Variants in EFCAB11 observed in about 807,000 individuals in gnomAD.
EFCAB11 encodes the protein EF-hand calcium-binding domain-containing protein 11.
Under a neutral mutation model 23.0 loss-of-function variants are expected in EFCAB11, and 14 were observed. That is an observed-to-expected ratio of 0.61 (90% CI 0.40 to 0.95). The LOEUF (loss-of-function observed/expected upper bound fraction) is 0.95. Among genes scored for constraint, EFCAB11 ranks in the 40% least tolerant of loss-of-function variants. The pLI is 0.00. For missense variants in EFCAB11, 198 were observed against 195.8 expected (o/e 1.01, Z -0.07); for synonymous variants, 65 against 66.6 (o/e 0.98, Z 0.11).
At chr14:89,871,445 A>C (rs185296661) in intron 5 of EFCAB11, among the ~76,000 whole-genome samples, 2 of 152,170 alleles carry the variant, frequency 1.3e-5, no homozygotes, top group Admixed American at 1.3e-4. Context: ...TGACCACCTC[A>C]TTGGTGAGGA....
At chr14:89,893,888 G>C (rs534426700) in intron 5 of EFCAB11, among the ~76,000 whole-genome samples, 108 of 151,238 alleles carry the variant, frequency 7.1e-4, no homozygotes, top group South Asian at 2.3e-3. Context: ...CATATACACA[G>C]ACATGTTATT....
chr14:89,943,858 CT>C (rs1221823287), intron 3 of EFCAB11, among the ~76,000 whole-genome samples: 2 of 152,268 alleles, frequency 1.3e-5, no homozygotes, highest in African/African-American at 4.8e-5. Context: ...TACATACACA[CT>C]CACACTAGAG....
chr14:89,929,819 G>T (rs1172063802), intron 5 of EFCAB11, among the ~76,000 whole-genome samples: 6 of 152,188 alleles, frequency 3.9e-5, no homozygotes, highest in African/African-American at 1.2e-4. Flanking sequence ...TTTCTTCTAA[G>T]AAGGTGTTAC....
chr14:89,813,545 T>G (rs1004134042), intron 5 of EFCAB11, among the ~76,000 whole-genome samples: 1 of 151,242 alleles, frequency 6.6e-6, no homozygotes, highest in African/African-American at 2.5e-5. Context: ...TTTGTTTTGT[T>G]TTTCTTTCTT....
chr14:89,941,616 C>G (rs1379332719), intron 3 of EFCAB11, among the ~76,000 whole-genome samples: 2 of 148,054 alleles, frequency 1.4e-5, no homozygotes, highest in Non-Finnish European at 3.0e-5. Flanking sequence ...TGGTCTTGCT[C>G]TGTTGCCCAG....
chr14:89,909,525 G>A (rs1188600203), intron 5 of EFCAB11, among the ~76,000 whole-genome samples: 1 of 152,146 alleles, frequency 6.6e-6, no homozygotes, highest in African/African-American at 2.4e-5. Flanking sequence ...ACGTTGCAGT[G>A]AGCTGAGATC....
intron 5 of EFCAB11, among the ~76,000 whole-genome samples, chr14:89,905,325 A>C (rs567190499): frequency 6.6e-5 from 10 of 152,320 alleles, no homozygotes; most frequent in African/African-American, 2.4e-4. Flanking sequence ...GGTATAGAAC[A>C]ATGTTCCACA....
chr14:89,814,004 T>C (rs1218393087), intron 5 of EFCAB11, among the ~76,000 whole-genome samples: 4 of 152,078 alleles, frequency 2.6e-5, no homozygotes, highest in African/African-American at 9.7e-5. Context: ...TTTGACTCGT[T>C]TGACACTCTT....
intron 3 of EFCAB11, among the ~76,000 whole-genome samples, chr14:89,947,741 A>G (rs1891031064): frequency 6.6e-6 from 1 of 151,706 alleles, no homozygotes; most frequent in Non-Finnish European, 1.5e-5. Context: ...CCATTTCTTC[A>G]TCTTCCACCT....
intron 5 of EFCAB11, among the ~76,000 whole-genome samples, chr14:89,847,722 A>T (rs1887474910): frequency 6.8e-6 from 1 of 147,090 alleles, no homozygotes; most frequent in African/African-American, 2.5e-5. Flanking sequence ...CTGGGAAACA[A>T]GAGAGAAACT....
chr14:89,884,485 A>C (rs1888692359), intron 5 of EFCAB11, among the ~76,000 whole-genome samples: 1 of 152,124 alleles, frequency 6.6e-6, no homozygotes, highest in Non-Finnish European at 1.5e-5. Flanking sequence ...TCCCCCCACC[A>C]AGATGGGGAA....
In EFCAB11 at chr14:89,823,449, G is replaced by A. The variant is rs529812757; in HGVS notation, c.411-26125C>T. 1.2e-4 allele frequency among the ~76,000 whole-genome samples: 18 copies of A among 152,232 alleles called. No homozygotes were observed. The East Asian group carries it at 1.9e-3, about 16-fold the overall frequency. On this transcript the variant is annotated intron_variant, in intron 5 of 5. Coordinates refer to ENST00000316738, the MANE Select transcript of EFCAB11 (RefSeq NM_145231.4). Reference sequence around the variant, plus strand: ...AAAAACAATGAGTCCACCATGCTGCGGACCTTCATAAGTGAAATGAAAATG... The same window carrying A: ...AAAAACAATGAGTCCACCATGCTGCAGACCTTCATAAGTGAAATGAAAATG...
At chr14:89,904,300 T>C (rs1341533793) in intron 5 of EFCAB11, among the ~76,000 whole-genome samples, 3 of 152,200 alleles carry the variant, frequency 2.0e-5, no homozygotes, top group African/African-American at 7.2e-5. Context: ...GCAAAGGACA[T>C]GAACTCATCC....
intron 3 of EFCAB11, among the ~76,000 whole-genome samples, chr14:89,947,038 A>G (rs915546684): frequency 2.6e-5 from 4 of 152,232 alleles, no homozygotes; most frequent in African/African-American, 9.6e-5. Flanking sequence ...AACAGTATCA[A>G]CATATATTTA....
intron 5 of EFCAB11, among the ~76,000 whole-genome samples, chr14:89,842,637 G>GATATAATATAATATA (rs1555372123): frequency 1.2e-4 from 6 of 48,976 alleles, no homozygotes; most frequent in African/African-American, 2.9e-4. Context: ...GATATGATAT[G>GATATAATATAATATA]ATATAATATA....
upstream of EFCAB11, chr14:89,954,771 A>G (rs1357932762): frequency 6.8e-7 from 1 of 1,465,558 alleles, no homozygotes; most frequent in Non-Finnish European, 9.2e-7. Context: ...GCCGAACTTC[A>G]CCGCGCAACT....
rs561016492 is a variant in EFCAB11, at chr14:89,847,741, CAAA to C, written c.411-50420_411-50418del. On this transcript the variant is annotated intron_variant, in intron 5 of 5. Transcript: ENST00000316738. ...GAAACAAGAGAGAAACTCTGTCTCA[CAAA>C]AAAAAAAAAAAAAAAGAAAGAAAGA... Among the ~76,000 whole-genome samples the C allele has an allele frequency of 6.9e-4, 64 of 92,090 alleles. No individual in the cohort carries two copies. In the East Asian group the frequency reaches 0.015, roughly 22 times the overall value. The allele number at this position is 92,090 out of a possible 152,430, so 60.4% of individuals were successfully genotyped here. A position where few individuals can be genotyped will look rare whatever the true frequency, so the allele number is the denominator to read the frequency against.
At chr14:89,858,515 G>A (rs1457180097) in intron 5 of EFCAB11, among the ~76,000 whole-genome samples, 1 of 152,134 alleles carries the variant, frequency 6.6e-6, no homozygotes, top group African/African-American at 2.4e-5. Context: ...TTTTAGACAA[G>A]GTCTCACTCT....
At chr14:89,890,838 G>A (rs941260048) in intron 5 of EFCAB11, among the ~76,000 whole-genome samples, 3 of 152,230 alleles carry the variant, frequency 2.0e-5, no homozygotes, top group Non-Finnish European at 4.4e-5. Context: ...GGCCAGAAGT[G>A]AAGATCCAGG....
Sources: allele counts gnomAD v4.1 joint callset (sites outside exome capture counted in the v4.1 genomes callset), GRCh38; gene constraint gnomAD v4.1.1; transcripts MANE v1.5; gene names NCBI Gene and HGNC (gene_info 2026-07-23, HGNC 2026-07-21).